The following LRP1B variants were observed in gnomAD, a reference collection of about 807,000 sequenced individuals.
LRP1B encodes the protein LDL receptor related protein 1B.
A neutral mutation model predicts 556.6 loss-of-function variants in LRP1B; 217 were observed. The observed-to-expected ratio is 0.39, with a 90% CI of 0.35 to 0.44. The LOEUF (loss-of-function observed/expected upper bound fraction) is 0.44, where lower values mean the gene tolerates loss of function less well. LRP1B is among the 20% of genes least tolerant of loss of function. The pLI, the probability that LRP1B is intolerant of heterozygous loss-of-function variation, is 1.00. For synonymous variants in LRP1B, 2,047 were observed against 1,865.8 expected, an observed-to-expected ratio of 1.10 and a Z score of -2.50; for missense variants, 5,053 against 5,620.8, an observed-to-expected ratio of 0.90 and a Z score of 3.23.
intron 3 of LRP1B, among the ~76,000 whole-genome samples, chr2:141,337,554 C>T (rs1687890826): frequency 6.6e-6 from 1 of 152,144 alleles, no homozygotes; most frequent in Non-Finnish European, 1.5e-5. Context: ...GCAAAACAAT[C>T]ATTTTAAATT....
chr2:140,800,882 A>G (rs527992080), intron 32 of LRP1B, among the ~76,000 whole-genome samples: 8 of 152,124 alleles, frequency 5.3e-5, no homozygotes, highest in African/African-American at 1.9e-4. Context: ...TTTTCTCCCC[A>G]TTTCAATTCA....
At chr2:141,256,274 A>G (rs1199237710) in intron 3 of LRP1B, among the ~76,000 whole-genome samples, 2 of 151,974 alleles carry the variant, frequency 1.3e-5, no homozygotes, top group Admixed American at 1.3e-4. Context: ...GGTAAAGAGG[A>G]CAATATGAGA....
intron 7 of LRP1B, among the ~76,000 whole-genome samples, chr2:141,092,394 A>G (rs150902954): frequency 9.2e-5 from 14 of 152,300 alleles, no homozygotes; most frequent in Non-Finnish European, 1.6e-4. Flanking sequence ...GGGAGTTCCA[A>G]TTTGGACTTA....
intron 1 of LRP1B, among the ~76,000 whole-genome samples, chr2:142,016,013 G>A (rs1457855232): frequency 2.8e-3 from 68 of 24,200 alleles, no homozygotes; most frequent in Non-Finnish European, 4.1e-3. Context: ...AAAAAAAAAA[G>A]TGGGTGAAGG....
At chr2:141,215,537 A>C (rs1359420855) in intron 6 of LRP1B, among the ~76,000 whole-genome samples, 1 of 152,168 alleles carries the variant, frequency 6.6e-6, no homozygotes, top group East Asian at 1.9e-4. Context: ...GAAATTTCTT[A>C]GGGACTGGGT....
intron 35 of LRP1B, 81 bp from the exon 36 acceptor site, chr2:140,716,897 C>G (rs371060417): frequency 2.9e-6 from 2 of 687,780 alleles, no homozygotes; most frequent in South Asian, 6.6e-5. Context: ...CATATTGCAA[C>G]AGTATCTTTT....
At chr2:142,063,877 C>G (rs751254129) in intron 1 of LRP1B, among the ~76,000 whole-genome samples, 1 of 151,532 alleles carries the variant, frequency 6.6e-6, no homozygotes, top group African/African-American at 2.4e-5. Flanking sequence ...TGTCTCCACC[C>G]TATAAGTATT....
intron 43 of LRP1B, among the ~76,000 whole-genome samples, chr2:140,590,341 G>GTATATA (rs544951420): frequency 6.8e-6 from 1 of 146,436 alleles, no homozygotes; most frequent in Non-Finnish European, 1.5e-5. Context: ...AAATGTGTGT[G>GTATATA]TGTATATATA....
intron 86 of LRP1B, among the ~76,000 whole-genome samples, chr2:140,267,709 G>A (rs952854902): frequency 6.6e-6 from 1 of 151,852 alleles, no homozygotes; most frequent in East Asian, 2.0e-4. Flanking sequence ...AGGGCTGATT[G>A]TATACACATT....
chr2:142,058,852 C>T (rs1046552071), intron 1 of LRP1B, among the ~76,000 whole-genome samples: 1 of 152,066 alleles, frequency 6.6e-6, no homozygotes, highest in African/African-American at 2.4e-5. Context: ...AATATCAATC[C>T]TCTATCTACA....
chr2:140,844,810 A>C (rs1035192943), intron 29 of LRP1B, among the ~76,000 whole-genome samples: 1 of 152,206 alleles, frequency 6.6e-6, no homozygotes, highest in Admixed American at 6.5e-5. Flanking sequence ...TAAGACAGGA[A>C]AAACTCAACA....
At chr2:141,112,071 T>A (rs201173100) in intron 7 of LRP1B, among the ~76,000 whole-genome samples, 15 of 145,818 alleles carry the variant, frequency 1.0e-4, no homozygotes, top group Middle Eastern at 7.0e-3. Context: ...AATAAATAAA[T>A]AATAAATAAA....
intron 41 of LRP1B, among the ~76,000 whole-genome samples, chr2:140,645,507 C>G (rs1217617128): frequency 7.0e-6 from 1 of 142,644 alleles, no homozygotes. Flanking sequence ...TTCCTCATAT[C>G]TCTATACTAA....
intron 7 of LRP1B, among the ~76,000 whole-genome samples, chr2:141,097,831 T>C (rs1049463622): frequency 6.6e-6 from 1 of 152,182 alleles, no homozygotes; most frequent in African/African-American, 2.4e-5. Flanking sequence ...ATGAAAAAGA[T>C]AAAATGTATT....
At chr2:141,031,251 T>TCTCACACACA (rs866376802) in intron 11 of LRP1B, among the ~76,000 whole-genome samples, 2 of 121,558 alleles carry the variant, frequency 1.6e-5, no homozygotes, top group Non-Finnish European at 3.5e-5. Flanking sequence ...TATATACATA[T>TCTCACACACA]CACACACACA....
At chr2:141,056,654 G>A (rs929303587) in intron 9 of LRP1B, among the ~76,000 whole-genome samples, 3 of 151,620 alleles carry the variant, frequency 2.0e-5, no homozygotes, top group African/African-American at 7.3e-5. Context: ...TCAGCTTATT[G>A]CTGGAGCATA....
chr2:141,034,560 A>G (rs548960094), intron 11 of LRP1B, among the ~76,000 whole-genome samples: 81 of 152,350 alleles, frequency 5.3e-4, no homozygotes, highest in Non-Finnish European at 9.6e-4. Flanking sequence ...ATGAACAGAC[A>G]CTTCTTAAAA....
chr2:141,331,136 T>C (rs193149065), intron 3 of LRP1B, among the ~76,000 whole-genome samples: 5 of 152,266 alleles, frequency 3.3e-5, no homozygotes, highest in Admixed American at 2.0e-4. Context: ...GGTGCATTGA[T>C]GGCTGGTTTA....
chr2:140,610,897 G>T (rs1477476848), intron 41 of LRP1B, among the ~76,000 whole-genome samples: 2 of 152,198 alleles, frequency 1.3e-5, no homozygotes, highest in African/African-American at 2.4e-5. Context: ...TCGTTCCCTT[G>T]TCTGAAATAC....
Sources: allele counts gnomAD v4.1 joint callset (sites outside exome capture counted in the v4.1 genomes callset), GRCh38; gene constraint gnomAD v4.1.1; transcripts MANE v1.5; gene names NCBI Gene and HGNC (gene_info 2026-07-23, HGNC 2026-07-21).